GRIP1: variants seen among roughly 807,000 people sequenced by gnomAD.
The protein encoded by GRIP1 is glutamate receptor-interacting protein 1.
Under a neutral mutation model 129.9 loss-of-function variants are expected in GRIP1, and 45 were observed. That is an observed-to-expected ratio of 0.35 (90% CI 0.27 to 0.44). The LOEUF is 0.44. Among genes scored for constraint, GRIP1 ranks in the 20% least tolerant of loss-of-function variants. The pLI, the probability that GRIP1 is intolerant of heterozygous loss-of-function variation, is 1.00. For missense variants in GRIP1, 1,196 were observed against 1,396.8 expected, an observed-to-expected ratio of 0.86 and a Z score of 2.29; for synonymous variants, 530 against 520.8, an observed-to-expected ratio of 1.02 and a Z score of -0.24.
intron 1 of GRIP1, among the ~76,000 whole-genome samples, chr12:66,915,115 T>C (rs1315082242): frequency 6.6e-6 from 1 of 152,148 alleles, no homozygotes; most frequent in Non-Finnish European, 1.5e-5. Context: ...ACAAATAAAG[T>C]CCACATATTG....
chr12:66,666,567 T>A (rs1277335465), intron 1 of GRIP1, among the ~76,000 whole-genome samples: 1 of 152,190 alleles, frequency 6.6e-6, no homozygotes, highest in East Asian at 1.9e-4. Context: ...TCATCAGGCC[T>A]TCTGCCTTGA....
intron 1 of GRIP1, among the ~76,000 whole-genome samples, chr12:66,933,676 A>C (rs2041437374): frequency 1.3e-5 from 2 of 152,310 alleles, no homozygotes; most frequent in South Asian, 4.2e-4. Flanking sequence ...GTGAATAGAT[A>C]CATAAATGTA....
intron 1 of GRIP1, among the ~76,000 whole-genome samples, chr12:67,014,083 T>C (rs2042749210): frequency 6.6e-6 from 1 of 152,154 alleles, no homozygotes; most frequent in South Asian, 2.1e-4. Flanking sequence ...TCTGTACACA[T>C]GGAGACAGGT....
chr12:66,502,675 TC>T (rs539390498), intron 7 of GRIP1, among the ~76,000 whole-genome samples: 201 of 152,232 alleles, frequency 1.3e-3, no homozygotes, highest in African/African-American at 4.7e-3. Context: ...TATGCTCTTG[TC>T]CTGTGATGTG....
At chr12:66,456,391 CAAA>C (rs1565757890) in intron 9 of GRIP1, 49 bp from the exon 10 acceptor site, 1 of 1,053,416 alleles carries the variant, frequency 9.5e-7, no homozygotes, top group East Asian at 6.4e-5. Context: ...AACGAACAAA[CAAA>C]GAACCAAAAA....
At chr12:67,016,074 G>A (rs921756021) in intron 1 of GRIP1, among the ~76,000 whole-genome samples, 1 of 152,208 alleles carries the variant, frequency 6.6e-6, no homozygotes, top group East Asian at 1.9e-4. Flanking sequence ...AGTCCTTCAT[G>A]TCATTTGTAC....
intron 1 of GRIP1, among the ~76,000 whole-genome samples, chr12:66,637,631 A>T (rs1402670174): frequency 6.6e-6 from 1 of 152,096 alleles, no homozygotes; most frequent in African/African-American, 2.4e-5. Context: ...CGACTTAAAA[A>T]TTTCAACTTC....
intron 1 of GRIP1, among the ~76,000 whole-genome samples, chr12:66,716,091 T>G (rs118113177): frequency 0.013 from 1,928 of 152,060 alleles, 17 homozygotes; most frequent in Middle Eastern, 0.031. Context: ...TGAGGTCAAT[T>G]CCCCTTAAAA....
intron 1 of GRIP1, among the ~76,000 whole-genome samples, chr12:66,822,590 T>C (rs2039339486): frequency 6.6e-6 from 1 of 152,108 alleles, no homozygotes; most frequent in Non-Finnish European, 1.5e-5. Context: ...AGCAAAGACA[T>C]GGAATCAACC....
rs2058175606 is a variant in GRIP1, at chr12:66,432,424, T to A, written c.1768+124A>T. The A allele has an allele frequency of 7.8e-6, 5 of 641,630 alleles. No homozygotes were observed. In the South Asian group the frequency reaches 9.3e-5, roughly 12 times the overall value. 39.7% of individuals were successfully genotyped at this position (641,630 alleles called of 1,614,324 possible). On this transcript the variant is annotated intron_variant, in intron 14 of 24. Coordinates refer to ENST00000359742, the MANE Select transcript of GRIP1 (RefSeq NM_001366722.1). ...GCTGGAGGTGTGACTGACTCCACATTTTTGTATCATGATATAAAAACTTCG... is the reference window on the plus strand; with the variant it reads ...GCTGGAGGTGTGACTGACTCCACATATTTGTATCATGATATAAAAACTTCG...
chr12:66,865,596 C>T (rs2040190530), intron 1 of GRIP1, among the ~76,000 whole-genome samples: 1 of 76,244 alleles, frequency 1.3e-5, no homozygotes, highest in Non-Finnish European at 3.4e-5. Flanking sequence ...TCCATCCATG[C>T]ATCCATCCAT....
At chr12:66,652,233 TAGG>T (rs1279530615) in intron 1 of GRIP1, among the ~76,000 whole-genome samples, 2 of 152,046 alleles carry the variant, frequency 1.3e-5, no homozygotes. Context: ...AGGGACCTCT[TAGG>T]AGGTGATTGG....
intron 1 of GRIP1, among the ~76,000 whole-genome samples, chr12:67,014,815 T>G (rs898185937): frequency 3.9e-5 from 6 of 152,154 alleles, no homozygotes; most frequent in African/African-American, 1.4e-4. Flanking sequence ...AAATATGCAG[T>G]AGGTAACTAT....
At chr12:66,543,669 T>A (rs1020463538) in intron 2 of GRIP1, among the ~76,000 whole-genome samples, 1 of 152,166 alleles carries the variant, frequency 6.6e-6, no homozygotes, top group African/African-American at 2.4e-5. Flanking sequence ...TAAATTTTTT[T>A]AAAATAAAGT....
At chr12:66,386,397 GC>G (rs2056359445) in intron 19 of GRIP1, among the ~76,000 whole-genome samples, 1 of 152,196 alleles carries the variant, frequency 6.6e-6, no homozygotes, top group Non-Finnish European at 1.5e-5. Flanking sequence ...ACTTTGGGAG[GC>G]CGAGGCAGGT....
chr12:66,751,099 GA>G (rs1264575851), intron 1 of GRIP1, among the ~76,000 whole-genome samples: 2 of 152,104 alleles, frequency 1.3e-5, no homozygotes, highest in Non-Finnish European at 2.9e-5. Context: ...GCCCAAGTGA[GA>G]AATTGAGAAA....
intron 1 of GRIP1, among the ~76,000 whole-genome samples, chr12:66,869,093 T>C (rs2040252337): frequency 6.6e-6 from 1 of 152,090 alleles, no homozygotes; most frequent in African/African-American, 2.4e-5. Flanking sequence ...ATTGCAGTTA[T>C]GTATGTACAT....
At position 66,377,256 on chromosome 12, in the gene GRIP1, G is replaced by GTC; in HGVS notation, c.2649_2650dup (p.Thr884ArgfsTer25). On this transcript the variant is annotated frameshift_variant, in exon 21 of 25. Coordinates refer to ENST00000359742, the MANE Select transcript of GRIP1 (RefSeq NM_001366722.1). LOFTEE classifies it high-confidence loss of function. ...AGACCAGAAGTTCTCCTCTTGTTCTGTCTCTGCACTATCGGCAGCCCCTGC... is the reference window on the plus strand; with the variant it reads ...AGACCAGAAGTTCTCCTCTTGTTCTGTCTCTCTGCACTATCGGCAGCCCCTGC... 6.2e-7 allele frequency: 1 copy of GTC among 1,613,270 alleles called. No homozygotes were observed. The highest frequency in any genetic ancestry group is 8.5e-7 in the Non-Finnish European group (1 of 1,179,300).
intron 1 of GRIP1, among the ~76,000 whole-genome samples, chr12:67,030,479 C>T (rs979787077): frequency 7.2e-5 from 11 of 152,012 alleles, no homozygotes; most frequent in Non-Finnish European, 1.3e-4. Flanking sequence ...CCACTTAACA[C>T]GGCTTTTTAT....
Sources: gnomAD v4.1 joint callset for allele counts (sites outside exome capture counted in the v4.1 genomes callset) on GRCh38, gnomAD v4.1.1 for gene constraint, MANE v1.5 for transcripts, NCBI Gene and HGNC (gene_info 2026-07-23, HGNC 2026-07-21) for gene names.